FOCAD: variants seen among roughly 807,000 people sequenced by gnomAD.
FOCAD encodes KIAA1797.
In FOCAD, 198 loss-of-function variants were observed where a neutral mutation model predicts 225.6. The ratio of observed to expected loss-of-function variants is 0.88; its 90% CI spans 0.78 to 0.99. The LOEUF is 0.99. Ranked by LOEUF, FOCAD falls within the 50% of genes least tolerant of loss-of-function variation. The pLI, the probability that FOCAD is intolerant of heterozygous loss-of-function variation, is 0.00. For synonymous variants in FOCAD, 897 were observed against 755.0 expected, an observed-to-expected ratio of 1.19 and a Z score of -3.08; for missense variants, 2,713 against 2,123.6, an observed-to-expected ratio of 1.28 and a Z score of -5.46.
intron 15 of FOCAD, among the ~76,000 whole-genome samples, chr9:20,824,712 A>G (rs1216915333): frequency 2.0e-5 from 3 of 152,088 alleles, no homozygotes; most frequent in Non-Finnish European, 4.4e-5. Flanking sequence ...TCAAATGAGG[A>G]TAAAATAAGA....
chr9:20,825,161 G>GTGTGTGTA (rs1370635050), intron 15 of FOCAD, among the ~76,000 whole-genome samples: 1 of 151,226 alleles, frequency 6.6e-6, no homozygotes, highest in Non-Finnish European at 1.5e-5. Context: ...GTGTGTGTGT[G>GTGTGTGTA]TGTGTGTGTG....
intron 35 of FOCAD, among the ~76,000 whole-genome samples, chr9:20,970,339 G>A (rs1237363172): frequency 1.3e-5 from 2 of 151,848 alleles, no homozygotes; most frequent in Non-Finnish European, 2.9e-5. Flanking sequence ...TGCCTACGTT[G>A]GTATGCTTGA....
At chr9:20,809,351 C>T (rs1289795763) in intron 11 of FOCAD, among the ~76,000 whole-genome samples, 2 of 151,996 alleles carry the variant, frequency 1.3e-5, no homozygotes, top group Non-Finnish European at 2.9e-5. Context: ...AACTATTAAG[C>T]CCTTGAAATT....
chr9:20,956,129 A>G (rs928553941), intron 35 of FOCAD, among the ~76,000 whole-genome samples: 2 of 152,194 alleles, frequency 1.3e-5, no homozygotes, highest in African/African-American at 4.8e-5. Context: ...TTGGGCTTGG[A>G]TACGAAGTAC....
intron 15 of FOCAD, among the ~76,000 whole-genome samples, chr9:20,827,867 A>T (rs996222359): frequency 6.6e-6 from 1 of 152,102 alleles, no homozygotes; most frequent in African/African-American, 2.4e-5. Context: ...TTTGTTAAAG[A>T]TTTTTATTAA....
intron 7 of FOCAD, 86 bp from the exon 8 acceptor site, chr9:20,769,946 T>C: frequency 8.0e-7 from 1 of 1,248,842 alleles, no homozygotes; most frequent in South Asian, 1.4e-5. Context: ...GAGAAAAAAT[T>C]ACATTGTTCA....
chr9:20,847,677 G>T (rs1827254878), intron 15 of FOCAD, among the ~76,000 whole-genome samples: 1 of 152,004 alleles, frequency 6.6e-6, no homozygotes, highest in Non-Finnish European at 1.5e-5. Context: ...GGTTTTCCAT[G>T]TAGAAGAGTT....
intron 21 of FOCAD, among the ~76,000 whole-genome samples, chr9:20,893,575 CCTTACAGGATATT>C (rs1831816505): frequency 6.6e-6 from 1 of 152,036 alleles, no homozygotes; most frequent in Non-Finnish European, 1.5e-5. Context: ...GAATCCATAT[CCTTACAGGATATT>C]CTATACCCTT....
At chr9:20,847,513 G>T (rs1827237827) in intron 15 of FOCAD, among the ~76,000 whole-genome samples, 1 of 150,620 alleles carries the variant, frequency 6.6e-6, no homozygotes, top group Admixed American at 6.6e-5. Flanking sequence ...TTGTTTTCCT[G>T]GTGTGTGTTT....
chr9:20,680,588 A>T (rs140772776), upstream of FOCAD, among the ~76,000 whole-genome samples: 74 of 152,314 alleles, frequency 4.9e-4, no homozygotes, highest in East Asian at 9.5e-3. Flanking sequence ...TTTATATCCC[A>T]GTGCATAAAG....
chr9:20,667,613 G>A (rs1821933323), intron 2 of FOCAD, among the ~76,000 whole-genome samples: 1 of 152,154 alleles, frequency 6.6e-6, no homozygotes, highest in Non-Finnish European at 1.5e-5. Flanking sequence ...GGACAGAGAG[G>A]AATTACCCAG....
rs745594672 is a variant in FOCAD, at chr9:20,995,585, G to C, written c.5362G>C (p.Glu1788Gln). ...ATLLSLRVLPEFKKKAVWTRA... is the reference protein window; with the variant it reads ...ATLLSLRVLPQFKKKAVWTRA... ...CCTGCTGTCCTTGAGAGTTCTCCCAGAGTTTAAGAAGAAAGCTGTATGGAC... is the reference window on the plus strand; with the variant it reads ...CCTGCTGTCCTTGAGAGTTCTCCCACAGTTTAAGAAGAAAGCTGTATGGAC... The change falls in exon 44 of 44, where the codon GAG becomes CAG. Residue 1788 changes from glutamate (E) to glutamine (Q), a missense_variant. Physicochemically the swap from Glu to Gln is conservative, Grantham distance 29 (BLOSUM62 2). Transcript: ENST00000338382. 78 of 1,612,842 alleles carry C rather than the reference G, an allele frequency of 4.8e-5. No individual in the cohort carries two copies. Among genetic ancestry groups the C allele is most frequent in the Non-Finnish European group, 6.2e-5 (73 of 1,179,042 alleles).
At chr9:20,887,559 T>C (rs762370785) in intron 21 of FOCAD, among the ~76,000 whole-genome samples, 5 of 152,194 alleles carry the variant, frequency 3.3e-5, no homozygotes, top group Non-Finnish European at 2.9e-5. Context: ...TTCTTGAGAA[T>C]TGCAGTTTGT....
chr9:20,864,042 A>G lies in FOCAD; in HGVS notation c.2055+1330A>G, dbSNP rs544749278. Among the ~76,000 whole-genome samples the G allele has an allele frequency of 1.2e-4, 19 of 152,016 alleles. No individual in the cohort carries two copies. In the South Asian group the frequency reaches 3.7e-3, roughly 30 times the overall value. On this transcript the variant is annotated intron_variant, in intron 16 of 43. Transcript: ENST00000338382. Reference sequence around the variant, plus strand: ...GGACTGCTTTGGGGCCGTTCTCTCTATCTCTTCCTGCCCAGTTAGGGGGAG... The same window carrying G: ...GGACTGCTTTGGGGCCGTTCTCTCTGTCTCTTCCTGCCCAGTTAGGGGGAG...
chr9:20,944,731 C>T lies in FOCAD; in HGVS notation c.3512C>T (p.Ala1171Val), dbSNP rs762236544. The T allele has an allele frequency of 4.8e-5, 78 of 1,613,894 alleles. 1 individual carries two copies. The highest frequency in any genetic ancestry group is 6.3e-5 in the Non-Finnish European group (74 of 1,179,858). Residue 1171 changes from alanine (A) to valine (V), a missense_variant, in exon 29 of 44, where the codon GCG becomes GTG. Coordinates refer to ENST00000338382, the MANE Select transcript of FOCAD (RefSeq NM_001375567.1). ...HVAALLRKLS[A>V]HVDDSGSQSR... ...GCAGCATTGCTCCGGAAGCTGTCTG[C>T]GCACGTAGATGACAGCGGGAGCCAG...
At chr9:20,711,564 T>C (rs1355167354) in intron 1 of FOCAD, among the ~76,000 whole-genome samples, 1 of 152,098 alleles carries the variant, frequency 6.6e-6, no homozygotes, top group African/African-American at 2.4e-5. Context: ...ATGATGAGTG[T>C]AGAATGAAGA....
intron 35 of FOCAD, among the ~76,000 whole-genome samples, chr9:20,955,093 G>A (rs1481877465): frequency 6.6e-6 from 1 of 152,188 alleles, no homozygotes; most frequent in African/African-American, 2.4e-5. Flanking sequence ...TAGGAAGGAT[G>A]GCAACTTTAG....
At position 20,720,437 on chromosome 9, in the gene FOCAD, A is replaced by G. The variant is rs756529472; in HGVS notation, c.190A>G (p.Thr64Ala). ...KCCSDNVVVR[T>A]ACCEGLVALV... ...TTGCAGTGACAATGTAGTGGTTCGA[A>G]CAGCCTGCTGTGAAGGTCTGGTGGC... Residue 64 changes from threonine to alanine, a missense_variant, in exon 4 of 44, where the codon ACA becomes GCA. Coordinates refer to ENST00000338382, the MANE Select transcript of FOCAD (RefSeq NM_001375567.1). 5 of 1,614,082 alleles carry G rather than the reference A, an allele frequency of 3.1e-6. No individual in the cohort carries two copies. The South Asian group carries it at 5.5e-5, about 18-fold the overall frequency.
rs577131550 is a variant in FOCAD, at chr9:20,889,326, G to A, written c.2625+4096G>A. Among the ~76,000 whole-genome samples the A allele has an allele frequency of 9.9e-5, 15 of 152,204 alleles. No homozygotes were observed. In the South Asian group the frequency reaches 2.3e-3, roughly 23 times the overall value. On this transcript the variant is annotated intron_variant, in intron 21 of 43. Transcript: ENST00000338382. ...ATTAGTACTTCATTCTTTTTTGTGT[G>A]AGAATAATACTTCTCTGCATGGATA...
Sources: gnomAD v4.1 joint callset for allele counts (sites outside exome capture counted in the v4.1 genomes callset) on GRCh38, gnomAD v4.1.1 for gene constraint, MANE v1.5 for transcripts, NCBI Gene and HGNC (gene_info 2026-07-23, HGNC 2026-07-21) for gene names.